Variants in ASTN2 observed in about 807,000 individuals in gnomAD.
ASTN2 encodes the protein astrotactin 2.
In ASTN2, 54 loss-of-function variants were observed where a neutral mutation model predicts 139.8. That is an observed-to-expected ratio of 0.39 (90% confidence interval 0.31 to 0.48). The LOEUF is 0.48. ASTN2 is among the 20% of genes least tolerant of loss of function. The probability of loss-of-function intolerance (pLI) is 0.95; values close to 1 mark genes in which losing one functional copy is unlikely to be tolerated. For synonymous variants in ASTN2, 756 were observed against 719.5 expected (o/e 1.05, Z -0.81); for missense variants, 1,565 against 1,725.1 (o/e 0.91, Z 1.64).
intron 16 of ASTN2, among the ~76,000 whole-genome samples, chr9:116,671,765 A>G (rs1859207712): frequency 6.6e-6 from 1 of 152,234 alleles, no homozygotes; most frequent in Non-Finnish European, 1.5e-5. Flanking sequence ...GCCAAAAGCC[A>G]GCAAGGAACT....
chr9:117,121,046 G>GT (rs1829545757), intron 4 of ASTN2, among the ~76,000 whole-genome samples: 1 of 152,192 alleles, frequency 6.6e-6, no homozygotes, highest in African/African-American at 2.4e-5. Flanking sequence ...TGGAAAATAA[G>GT]TTTTTTCTTT....
chr9:117,324,402 C>T lies in ASTN2; in HGVS notation c.443-32889G>A, dbSNP rs1052665840. On this transcript the variant is annotated intron_variant, in intron 1 of 22. Transcript: ENST00000313400. ...GGCTGAAGTGACCTCAAGAAACTTA[C>T]GATCATAGCAGAAGGGGAAGCAGGC... is the stretch of plus-strand genomic sequence containing the variant. Among the ~76,000 whole-genome samples, 15 of 152,252 alleles carry T rather than the reference C, an allele frequency of 9.9e-5. No homozygotes were observed. In the South Asian group the frequency reaches 1.5e-3, roughly 15 times the overall value.
intron 13 of ASTN2, among the ~76,000 whole-genome samples, chr9:116,753,196 C>G (rs1311886174): frequency 6.6e-6 from 1 of 152,142 alleles, no homozygotes; most frequent in African/African-American, 2.4e-5. Context: ...TATCTAGCCA[C>G]AAGAAGACAT....
Position 116,738,148 on chromosome 9 carries a change from C to T in ASTN2, c.2397-4625G>A, listed in dbSNP as rs552663371. ...CGGAGCTTGCAGTGAGCCGAGATCG[C>T]GCCACTGCACTCCAGCCTGGGCGAC... On this transcript the variant is annotated intron_variant, in intron 13 of 22. Coordinates refer to ENST00000313400, the MANE Select transcript of ASTN2 (RefSeq NM_001365068.1). 2.2e-3 allele frequency among the ~76,000 whole-genome samples: 329 copies of T among 147,052 alleles called. 1 individual carries two copies. The highest frequency in any genetic ancestry group is 4.0e-3 in the Non-Finnish European group (268 of 67,122).
At chr9:116,535,723 C>CAGCT (rs1232869258) in intron 19 of ASTN2, among the ~76,000 whole-genome samples, 1 of 152,150 alleles carries the variant, frequency 6.6e-6, no homozygotes, top group Non-Finnish European at 1.5e-5. Context: ...GCTGAGAGAT[C>CAGCT]AGCTGTTAAT....
intron 3 of ASTN2, among the ~76,000 whole-genome samples, chr9:117,142,383 A>G (rs56005201): frequency 0.027 from 4,058 of 152,308 alleles, 177 homozygotes; most frequent in African/African-American, 0.087. Flanking sequence ...GGGCAGTGGC[A>G]GCGAAGGTGA....
chr9:117,058,242 A>T (rs909689717), intron 5 of ASTN2, among the ~76,000 whole-genome samples: 3 of 152,206 alleles, frequency 2.0e-5, no homozygotes, highest in Admixed American at 6.5e-5. Context: ...CTTATTTGAG[A>T]AAAAGGGAAC....
intron 16 of ASTN2, among the ~76,000 whole-genome samples, chr9:116,673,244 GCTTT>G (rs1266782726): frequency 6.6e-6 from 1 of 152,064 alleles, no homozygotes; most frequent in African/African-American, 2.4e-5. Context: ...TTCCTTCCTT[GCTTT>G]GTTTGTGGGT....
At position 117,119,990 on chromosome 9, in the gene ASTN2, A is replaced by ATGTG. The variant is rs752111718; in HGVS notation, c.1168+21332_1168+21335dup. Among the ~76,000 whole-genome samples, 383 of 72,932 alleles carry ATGTG rather than the reference A, an allele frequency of 5.3e-3. 22 individuals are homozygous for ATGTG. Among genetic ancestry groups the ATGTG allele is most frequent in the African/African-American group, 0.011 (181 of 16,298 alleles). The allele number at this position is 72,932 out of a possible 152,430, so 47.8% of individuals were successfully genotyped here. A position where few individuals can be genotyped will look rare whatever the true frequency, so the allele number is the denominator to read the frequency against. On this transcript the variant is annotated intron_variant, in intron 4 of 22. Transcript: ENST00000313400. ...TATATAGATATCTCTATATATTTGTATGTGTGTGTGTGTGTGTGTGTGTGT... is the reference window on the plus strand; with the variant it reads ...TATATAGATATCTCTATATATTTGTATGTGTGTGTGTGTGTGTGTGTGTGTGTGT...
At chr9:117,005,207 T>TC (rs35695901) in intron 7 of ASTN2, among the ~76,000 whole-genome samples, 135,470 of 149,904 alleles carry the variant, frequency 0.9, 62,582 homozygotes, top group Non-Finnish European at 1. Context: ...TGCCTCAACC[T>TC]CTGAGTAGCT....
intron 7 of ASTN2, among the ~76,000 whole-genome samples, chr9:117,005,056 A>C (rs1176569473): frequency 7.1e-6 from 1 of 141,332 alleles, no homozygotes; most frequent in Non-Finnish European, 1.5e-5. Flanking sequence ...TCTTCTTTGA[A>C]TTTGAGTTGT....
intron 1 of ASTN2, among the ~76,000 whole-genome samples, chr9:117,313,286 C>T (rs915817839): frequency 1.3e-5 from 2 of 152,200 alleles, no homozygotes; most frequent in South Asian, 2.1e-4. Context: ...TGACCTGGCT[C>T]TTCCGTTTGG....
chr9:117,014,151 A>G (rs10759884), intron 6 of ASTN2, among the ~76,000 whole-genome samples: 15,115 of 152,082 alleles, frequency 0.099, 995 homozygotes, highest in East Asian at 0.27. Context: ...CAAGATGAAA[A>G]ACAAACTGTG....
chr9:117,231,423 T>C (rs932900725), intron 2 of ASTN2, among the ~76,000 whole-genome samples: 8 of 152,356 alleles, frequency 5.3e-5, no homozygotes, highest in African/African-American at 1.9e-4. Flanking sequence ...TCAAATCTTA[T>C]TGCTACTCTA....
chr9:116,994,686 G>A (rs1359683137), intron 7 of ASTN2, among the ~76,000 whole-genome samples: 2 of 152,010 alleles, frequency 1.3e-5, no homozygotes, highest in African/African-American at 2.4e-5. Flanking sequence ...GCCAATAATG[G>A]CTAACAGCTA....
In ASTN2 at chr9:117,226,590, C is replaced by T. The variant is rs916811119; in HGVS notation, c.631-11848G>A. On this transcript the variant is annotated intron_variant, in intron 2 of 22. Transcript: ENST00000313400. ...AGAAAGCTCACAGGTCCTCATAAAGCGGGTTTGTTTGTTTGTTTGTTTGTT... is the reference window on the plus strand; with the variant it reads ...AGAAAGCTCACAGGTCCTCATAAAGTGGGTTTGTTTGTTTGTTTGTTTGTT... Among the ~76,000 whole-genome samples, 11 of 134,752 alleles carry T rather than the reference C, an allele frequency of 8.2e-5. No homozygotes were observed. In the South Asian group the frequency reaches 9.4e-4, roughly 12 times the overall value. 88.4% of individuals were successfully genotyped at this position (134,752 alleles called of 152,430 possible).
intron 16 of ASTN2, among the ~76,000 whole-genome samples, chr9:116,704,294 CTT>C (rs1381027898): frequency 1.3e-5 from 2 of 151,950 alleles, no homozygotes; most frequent in Non-Finnish European, 2.9e-5. Flanking sequence ...TTTGCATAAT[CTT>C]TGTTATAACT....
intron 22 of ASTN2, among the ~76,000 whole-genome samples, chr9:116,428,196 G>A (rs926237305): frequency 6.6e-6 from 1 of 152,184 alleles, no homozygotes; most frequent in South Asian, 2.1e-4. Flanking sequence ...GGAAACATGT[G>A]TTGAGCCTCC....
At chr9:117,130,248 G>A (rs537594927) in intron 4 of ASTN2, among the ~76,000 whole-genome samples, 1 of 152,300 alleles carries the variant, frequency 6.6e-6, no homozygotes, top group South Asian at 2.1e-4. Flanking sequence ...GGTTGTGGCT[G>A]CAGTGAGCTG....
Sources: allele counts gnomAD v4.1 joint callset (sites outside exome capture counted in the v4.1 genomes callset), GRCh38; gene constraint gnomAD v4.1.1; transcripts MANE v1.5; gene names NCBI Gene and HGNC (gene_info 2026-07-23, HGNC 2026-07-21).